The following SHANK2 variants were observed in gnomAD, a reference collection of about 807,000 sequenced individuals.
SHANK2 encodes the protein SH3 and multiple ankyrin repeat domains 2, also known as SH3 and multiple ankyrin repeat domains protein 2.
SHANK2 carries 43 observed loss-of-function variants against 133.7 expected under a neutral mutation model. That is an observed-to-expected ratio of 0.32 (90% CI 0.25 to 0.41). The LOEUF is 0.41. SHANK2 is among the 10% of genes least tolerant of loss of function. The pLI is 1.00. For missense variants in SHANK2, 1,994 were observed against 2,235.8 expected, an observed-to-expected ratio of 0.89 and a Z score of 2.18; for synonymous variants, 1,017 against 952.8, an observed-to-expected ratio of 1.07 and a Z score of -1.24.
At chr11:70,772,991 A>T (rs1947286035) in intron 14 of SHANK2, among the ~76,000 whole-genome samples, 1 of 152,158 alleles carries the variant, frequency 6.6e-6, no homozygotes, top group Non-Finnish European at 1.5e-5. Flanking sequence ...CCAGCTGAAG[A>T]GCCCACTAAG....
chr11:70,585,836 ACCC>A (rs2060242807), intron 17 of SHANK2, among the ~76,000 whole-genome samples: 1 of 31,844 alleles, frequency 3.1e-5, no homozygotes, highest in Non-Finnish European at 6.5e-5. Flanking sequence ...TCACCCACCC[ACCC>A]ACCCACCCAT....
rs117606703 is a variant in SHANK2, at chr11:71,182,530, C to T, written c.-12-35192G>A. Among the ~76,000 whole-genome samples, 236 of 152,284 alleles carry T rather than the reference C, an allele frequency of 1.5e-3. 4 individuals carry two copies. The East Asian group carries it at 0.041, about 26-fold the overall frequency. On this transcript the variant is annotated intron_variant, in intron 2 of 25. Transcript: ENST00000601538. Reference sequence around the variant, plus strand: ...CCAGCTTCAGGTGCATGGCCTCAGGCGTTCCTTGGCTGGTAGGTGACCATC... The same window carrying T: ...CCAGCTTCAGGTGCATGGCCTCAGGTGTTCCTTGGCTGGTAGGTGACCATC...
chr11:71,194,635 C>T (rs1410690090), intron 2 of SHANK2, among the ~76,000 whole-genome samples: 3 of 152,204 alleles, frequency 2.0e-5, no homozygotes, highest in Admixed American at 6.5e-5. Context: ...GAAATGGCCA[C>T]ATGTCTTCAG....
At chr11:71,086,039 T>TATATAATATGTTATATAATATATTATATA (rs1951400074) in intron 8 of SHANK2, among the ~76,000 whole-genome samples, 6 of 89,298 alleles carry the variant, frequency 6.7e-5, no homozygotes, top group Non-Finnish European at 1.1e-4. Context: ...TTATATATAT[T>TATATAATATGTTATATAATATATTATATA]ATATAATATG....
intron 10 of SHANK2, chr11:70,948,263 G>A (rs782406025): frequency 5.9e-5 from 27 of 456,884 alleles, no homozygotes; most frequent in South Asian, 3.3e-4. Flanking sequence ...TACCAACCCC[G>A]ACATGTTGCA....
chr11:70,492,312 G>A, intron 22 of SHANK2, 23 bp downstream of exon 22: 1 of 1,607,760 alleles, frequency 6.2e-7, no homozygotes, highest in Non-Finnish European at 8.5e-7. Flanking sequence ...CCGCCCTCGT[G>A]GTCCCAAGGT....
At chr11:71,086,502 AATTT>A (rs1157706375) in intron 8 of SHANK2, among the ~76,000 whole-genome samples, 1 of 140,270 alleles carries the variant, frequency 7.1e-6, no homozygotes, top group African/African-American at 2.6e-5. Context: ...TGTAATACAT[AATTT>A]ATTATATATA....
At chr11:70,795,387 T>TTTTCTTTTCTC (rs1947884861) in intron 14 of SHANK2, among the ~76,000 whole-genome samples, 1 of 148,758 alleles carries the variant, frequency 6.7e-6, no homozygotes, top group South Asian at 2.1e-4. Flanking sequence ...TTTCTTTTCT[T>TTTTCTTTTCTC]TTTTCTTTTC....
intron 14 of SHANK2, among the ~76,000 whole-genome samples, chr11:70,703,448 G>T (rs894095836): frequency 2.0e-5 from 3 of 152,176 alleles, no homozygotes; most frequent in Non-Finnish European, 4.4e-5. Flanking sequence ...CCTGGAAAAA[G>T]CGGGGTGGGC....
intron 2 of SHANK2, among the ~76,000 whole-genome samples, chr11:71,195,650 A>C (rs1364846649): frequency 6.6e-6 from 1 of 152,254 alleles, no homozygotes; most frequent in Non-Finnish European, 1.5e-5. Flanking sequence ...CACTGTAATC[A>C]GAGGCCCACT....
chr11:70,787,260 CCAG>C (rs1288857515), intron 14 of SHANK2, among the ~76,000 whole-genome samples: 17 of 146,028 alleles, frequency 1.2e-4, no homozygotes, highest in East Asian at 4.1e-4. Flanking sequence ...ACCACCACCA[CCAG>C]CAGCATCACC....
chr11:70,691,912 A>G (rs11237194), intron 15 of SHANK2, among the ~76,000 whole-genome samples: 9,021 of 152,188 alleles, frequency 0.059, 899 homozygotes, highest in African/African-American at 0.21. Flanking sequence ...ATAAATAAAT[A>G]GTAAAAAAAT....
intron 10 of SHANK2, among the ~76,000 whole-genome samples, chr11:70,936,825 G>C (rs1460747315): frequency 6.6e-6 from 1 of 152,174 alleles, no homozygotes; most frequent in Non-Finnish European, 1.5e-5. Flanking sequence ...GAGACTGTGA[G>C]CAGGAAAACA....
At chr11:71,121,467 C>T (rs1212133262) in intron 3 of SHANK2, among the ~76,000 whole-genome samples, 7 of 152,138 alleles carry the variant, frequency 4.6e-5, no homozygotes, top group Non-Finnish European at 2.9e-5. Context: ...GGATATTAGC[C>T]CTTTGTCAGA....
At chr11:70,808,715 A>C (rs1948216631) in intron 12 of SHANK2, among the ~76,000 whole-genome samples, 1 of 152,052 alleles carries the variant, frequency 6.6e-6, no homozygotes. Context: ...AGCCTGGGTG[A>C]CAGAGTGAGA....
At chr11:71,213,702 C>A (rs1954335492) in intron 2 of SHANK2, among the ~76,000 whole-genome samples, 1 of 152,210 alleles carries the variant, frequency 6.6e-6, no homozygotes, top group African/African-American at 2.4e-5. Flanking sequence ...GGCTGATCTT[C>A]CTTCTACAAA....
At chr11:70,611,573 AG>A (rs2060657838) in intron 17 of SHANK2, among the ~76,000 whole-genome samples, 1 of 152,220 alleles carries the variant, frequency 6.6e-6, no homozygotes, top group South Asian at 2.1e-4. Flanking sequence ...ACAGAAACAG[AG>A]GGTGTCTGGT....
At chr11:70,594,832 C>T (rs1340925805) in intron 17 of SHANK2, among the ~76,000 whole-genome samples, 2 of 152,230 alleles carry the variant, frequency 1.3e-5, no homozygotes, top group African/African-American at 4.8e-5. Flanking sequence ...TGGCCCAAGG[C>T]AGCTGCGGAT....
chr11:71,160,459 C>G (rs1952991490), intron 2 of SHANK2, among the ~76,000 whole-genome samples: 1 of 152,156 alleles, frequency 6.6e-6, no homozygotes, highest in Non-Finnish European at 1.5e-5. Context: ...GAAGAAACAT[C>G]AGAGAGCCAG....
Sources: gnomAD v4.1 joint callset for allele counts (sites outside exome capture counted in the v4.1 genomes callset) on GRCh38, gnomAD v4.1.1 for gene constraint, MANE v1.5 for transcripts, NCBI Gene and HGNC (gene_info 2026-07-23, HGNC 2026-07-21) for gene names.